Variants in CIMAP3 observed in about 807,000 individuals in gnomAD.
CIMAP3 encodes the protein ciliary microtubule-associated protein 3.
At chr1:111,350,125 G>A in the CIMAP3 span, 4 of 1,613,796 alleles carry the variant, frequency 2.5e-6, no homozygotes, top group African/African-American at 4.0e-5. Context: ...ATACAACCCA[G>A]AGAAGAAGCC....
At chr1:111,338,663 G>C in the CIMAP3 span, among the ~76,000 whole-genome samples, 4 of 152,096 alleles carry the variant, frequency 2.6e-5, no homozygotes, top group African/African-American at 7.3e-5. Flanking sequence ...GGAAGAAGTT[G>C]AATCTCTAAA....
At chr1:111,332,233 T>C in the CIMAP3 span, among the ~76,000 whole-genome samples, 1 of 152,138 alleles carries the variant, frequency 6.6e-6, no homozygotes, top group Non-Finnish European at 1.5e-5. Flanking sequence ...GTTGTTTGGC[T>C]TCTTGGTTGG....
chr1:111,326,984 G>A, the CIMAP3 span, among the ~76,000 whole-genome samples: 5 of 151,860 alleles, frequency 3.3e-5, no homozygotes, highest in South Asian at 4.2e-4. Context: ...TGTATATTGT[G>A]GATATTAGTC....
chr1:111,346,327 C>T, the CIMAP3 span: 1 of 254,098 alleles, frequency 3.9e-6, no homozygotes, highest in Non-Finnish European at 7.6e-6. Flanking sequence ...ACATTCTGAA[C>T]CTCACTGTCC....
At chr1:111,335,109 CAG>C in the CIMAP3 span, among the ~76,000 whole-genome samples, 3 of 99,114 alleles carry the variant, frequency 3.0e-5, no homozygotes, top group African/African-American at 1.2e-4. Context: ...GCCTGGGTTA[CAG>C]AGTGAGTCTC....
the CIMAP3 span, chr1:111,348,824 C>A: frequency 1.6e-6 from 1 of 610,730 alleles, no homozygotes; most frequent in Non-Finnish European, 2.6e-6. Context: ...AATGTAGAAT[C>A]ATAGTTACTC....
At chr1:111,341,509 C>T in the CIMAP3 span, among the ~76,000 whole-genome samples, 1 of 152,122 alleles carries the variant, frequency 6.6e-6, no homozygotes, top group Non-Finnish European at 1.5e-5. Context: ...CCAAATCTTG[C>T]TCTGTGTGGC....
the CIMAP3 span, among the ~76,000 whole-genome samples, chr1:111,339,380 A>G: frequency 1.3e-5 from 2 of 149,332 alleles, no homozygotes; most frequent in Non-Finnish European, 3.0e-5. Context: ...GAAGGAAATA[A>G]AGGGTATTCA....
At chr1:111,329,053 C>A in the CIMAP3 span, among the ~76,000 whole-genome samples, 1 of 152,182 alleles carries the variant, frequency 6.6e-6, no homozygotes, top group Non-Finnish European at 1.5e-5. Context: ...GTAATGAATT[C>A]TCTCAACATT....
chr1:111,338,351 C>A, the CIMAP3 span, among the ~76,000 whole-genome samples: 1 of 151,304 alleles, frequency 6.6e-6, no homozygotes, highest in East Asian at 1.9e-4. Flanking sequence ...AAAATCAGAG[C>A]AGAACTGAAG....
chr1:111,335,158 GAAA>G, the CIMAP3 span, among the ~76,000 whole-genome samples: 3 of 97,214 alleles, frequency 3.1e-5, 1 homozygote, highest in Non-Finnish European at 6.8e-5. Flanking sequence ...AAAAAAGACA[GAAA>G]AAAAAAGAAA....
At chr1:111,351,595 T>C in the CIMAP3 span, 1 of 298,254 alleles carries the variant, frequency 3.4e-6, no homozygotes, top group Non-Finnish European at 6.2e-6. Flanking sequence ...TTTAGTGAAA[T>C]ATTTGTGGGC....
chr1:111,348,978 T>C, the CIMAP3 span: 1 of 193,602 alleles, frequency 5.2e-6, no homozygotes, highest in Non-Finnish European at 1.1e-5. Context: ...CAAGAAAATA[T>C]CAATAGTGAT....
At chr1:111,351,259 C>G in the CIMAP3 span, 1 of 1,604,940 alleles carries the variant, frequency 6.2e-7, no homozygotes, top group Non-Finnish European at 8.5e-7. Flanking sequence ...TTCATTGCAG[C>G]TGTCCACAGA....
the CIMAP3 span, chr1:111,347,192 C>A: frequency 1.0e-6 from 1 of 993,610 alleles, no homozygotes; most frequent in Non-Finnish European, 1.4e-6. Flanking sequence ...TGTTCTTCTG[C>A]AAGCAGCTGT....
At chr1:111,338,497 C>A in the CIMAP3 span, among the ~76,000 whole-genome samples, 1 of 151,102 alleles carries the variant, frequency 6.6e-6, no homozygotes, top group Non-Finnish European at 1.5e-5. Context: ...ATCAAATAGA[C>A]ACAATAAAAA....
At chr1:111,341,606 G>T in the CIMAP3 span, among the ~76,000 whole-genome samples, 1 of 152,142 alleles carries the variant, frequency 6.6e-6, no homozygotes, top group African/African-American at 2.4e-5. Context: ...TACTTTTCAA[G>T]GTTGTTGTGA....
At chr1:111,343,921 T>C in the CIMAP3 span, among the ~76,000 whole-genome samples, 2 of 149,846 alleles carry the variant, frequency 1.3e-5, no homozygotes, top group Admixed American at 6.6e-5. Flanking sequence ...GCATTTGCTT[T>C]ATGTTATTTC....
chr1:111,327,760 A>G, the CIMAP3 span, among the ~76,000 whole-genome samples: 1 of 151,660 alleles, frequency 6.6e-6, no homozygotes, highest in Non-Finnish European at 1.5e-5. Context: ...CTTCTCTATT[A>G]GTCTAGCTAG....
Sources: gnomAD v4.1 joint callset for allele counts (sites outside exome capture counted in the v4.1 genomes callset) on GRCh38, gnomAD v4.1.1 for gene constraint, MANE v1.5 for transcripts, NCBI Gene and HGNC (gene_info 2026-07-23, HGNC 2026-07-21) for gene names.